PDGFD: variants seen among roughly 807,000 people sequenced by gnomAD.
The protein encoded by PDGFD is platelet derived growth factor D.
Under a neutral mutation model 44.7 loss-of-function variants are expected in PDGFD, and 30 were observed. The observed-to-expected ratio is 0.67, with a 90% CI of 0.50 to 0.91. The LOEUF (loss-of-function observed/expected upper bound fraction) is 0.91. Ranked by LOEUF, PDGFD falls within the 40% of genes least tolerant of loss-of-function variation. The probability of loss-of-function intolerance (pLI) is 0.00; values close to 1 mark genes in which losing one functional copy is unlikely to be tolerated. For synonymous variants in PDGFD, 173 were observed against 168.4 expected, an observed-to-expected ratio of 1.03 and a Z score of -0.21; for missense variants, 445 against 457.8, an observed-to-expected ratio of 0.97 and a Z score of 0.25.
chr11:103,939,961 A>C (rs903890034), intron 5 of PDGFD, among the ~76,000 whole-genome samples: 3 of 152,266 alleles, frequency 2.0e-5, no homozygotes, highest in African/African-American at 7.2e-5. Context: ...AAGCTTTTAC[A>C]GACAAGTTTG....
chr11:103,972,218 C>T (rs1184605783), intron 3 of PDGFD, among the ~76,000 whole-genome samples: 1 of 152,168 alleles, frequency 6.6e-6, no homozygotes, highest in Non-Finnish European at 1.5e-5. Flanking sequence ...GATGGGTGGC[C>T]TGTGTATTGT....
At chr11:103,933,027 A>G (rs758564588) in intron 5 of PDGFD, among the ~76,000 whole-genome samples, 10 of 152,164 alleles carry the variant, frequency 6.6e-5, no homozygotes, top group Non-Finnish European at 1.3e-4. Flanking sequence ...AGTGGCACAC[A>G]TGGTAGAGCA....
intron 1 of PDGFD, among the ~76,000 whole-genome samples, chr11:104,153,134 A>G (rs980281524): frequency 6.6e-6 from 1 of 152,020 alleles, no homozygotes; most frequent in African/African-American, 2.4e-5. Flanking sequence ...GTTACTTCCT[A>G]TCTTGTTCAA....
At chr11:104,062,909 G>A (rs1860735727) in intron 1 of PDGFD, among the ~76,000 whole-genome samples, 1 of 152,080 alleles carries the variant, frequency 6.6e-6, no homozygotes, top group Admixed American at 6.5e-5. Context: ...TATCTCCCAT[G>A]TATTCCTGTG....
intron 1 of PDGFD, chr11:104,038,767 T>G (rs902219254): frequency 1.8e-5 from 3 of 167,144 alleles, no homozygotes; most frequent in Admixed American, 1.3e-4. Flanking sequence ...AAAAAGAAAT[T>G]ATGGTACTTC....
At chr11:104,136,180 C>T (rs1474853146) in intron 1 of PDGFD, among the ~76,000 whole-genome samples, 3 of 152,162 alleles carry the variant, frequency 2.0e-5, no homozygotes, top group Non-Finnish European at 2.9e-5. Flanking sequence ...CAGGAAAAGA[C>T]ATAATATTGT....
intron 1 of PDGFD, among the ~76,000 whole-genome samples, chr11:104,134,171 G>A (rs1262137333): frequency 6.6e-6 from 1 of 151,848 alleles, no homozygotes; most frequent in Non-Finnish European, 1.5e-5. Context: ...AAATATTTAG[G>A]GGTCACAAAC....
intron 3 of PDGFD, among the ~76,000 whole-genome samples, chr11:103,992,034 G>A (rs1211868977): frequency 6.6e-6 from 1 of 152,084 alleles, no homozygotes; most frequent in Non-Finnish European, 1.5e-5. Flanking sequence ...TTGTTCTCCA[G>A]CAAAGTAGAT....
chr11:103,986,651 A>G (rs765244399), intron 3 of PDGFD, among the ~76,000 whole-genome samples: 6 of 152,188 alleles, frequency 3.9e-5, no homozygotes, highest in Non-Finnish European at 7.4e-5. Context: ...AGTGTAGGCC[A>G]AACTAACTTT....
intron 1 of PDGFD, among the ~76,000 whole-genome samples, chr11:104,125,961 C>G (rs1861836033): frequency 6.6e-6 from 1 of 152,120 alleles, no homozygotes; most frequent in African/African-American, 2.4e-5. Flanking sequence ...TAACCTCATA[C>G]ATATCATGCA....
At chr11:104,136,703 T>C (rs182069089) in intron 1 of PDGFD, among the ~76,000 whole-genome samples, 11 of 152,322 alleles carry the variant, frequency 7.2e-5, no homozygotes, top group Non-Finnish European at 1.5e-4. Flanking sequence ...ACCTTTCCAA[T>C]AGTAAATAAC....
chr11:104,118,857 A>T (rs1181112865), intron 1 of PDGFD, among the ~76,000 whole-genome samples: 1 of 65,246 alleles, frequency 1.5e-5, no homozygotes, highest in African/African-American at 6.0e-5. Flanking sequence ...TATATATTAT[A>T]ATATATTATA....
chr11:104,057,090 T>C (rs1030069171), intron 1 of PDGFD, among the ~76,000 whole-genome samples: 5 of 152,332 alleles, frequency 3.3e-5, no homozygotes, highest in Admixed American at 3.3e-4. Flanking sequence ...ATCGAGCCAC[T>C]GCATGCCAGC....
chr11:103,971,009 T>C (rs151319227), intron 3 of PDGFD, among the ~76,000 whole-genome samples: 4 of 152,254 alleles, frequency 2.6e-5, no homozygotes, highest in African/African-American at 7.2e-5. Context: ...ACAGAGAGTA[T>C]AATGAATGAT....
At chr11:103,991,253 G>C (rs542897069) in intron 3 of PDGFD, among the ~76,000 whole-genome samples, 3 of 152,190 alleles carry the variant, frequency 2.0e-5, no homozygotes, top group Non-Finnish European at 4.4e-5. Context: ...CATAATTAGA[G>C]TCTGCAAAAG....
At chr11:103,999,629 T>C (rs918830149) in intron 2 of PDGFD, among the ~76,000 whole-genome samples, 1 of 152,132 alleles carries the variant, frequency 6.6e-6, no homozygotes, top group African/African-American at 2.4e-5. Context: ...CGTAATTCAT[T>C]ATGGGTAGGA....
chr11:103,985,313 C>T (rs1257167525), intron 3 of PDGFD, among the ~76,000 whole-genome samples: 2 of 150,796 alleles, frequency 1.3e-5, no homozygotes, highest in Admixed American at 1.3e-4. Context: ...GATCCTCTTA[C>T]CTCAGCTGCC....
chr11:103,922,358 T>C (rs186289700), intron 6 of PDGFD, among the ~76,000 whole-genome samples: 1 of 152,314 alleles, frequency 6.6e-6, no homozygotes, highest in Non-Finnish European at 1.5e-5. Context: ...TTCAGGACAC[T>C]GTACTCCCAA....
At chr11:104,134,836 G>A (rs1565345170) in intron 1 of PDGFD, among the ~76,000 whole-genome samples, 1 of 152,196 alleles carries the variant, frequency 6.6e-6, no homozygotes, top group Non-Finnish European at 1.5e-5. Context: ...CTTTCTGACT[G>A]CCTCTTCCTT....
Sources: gnomAD v4.1 joint callset for allele counts (sites outside exome capture counted in the v4.1 genomes callset) on GRCh38, gnomAD v4.1.1 for gene constraint, MANE v1.5 for transcripts, NCBI Gene and HGNC (gene_info 2026-07-23, HGNC 2026-07-21) for gene names.